The following NFIB variants were observed in gnomAD, a reference collection of about 807,000 sequenced individuals.
The protein encoded by NFIB is nuclear factor 1 B-type.
Under a neutral mutation model 61.5 loss-of-function variants are expected in NFIB, and 11 were observed. That is an observed-to-expected ratio of 0.18 (90% CI 0.11 to 0.30). The LOEUF (loss-of-function observed/expected upper bound fraction) is 0.30, where lower values mean the gene tolerates loss of function less well. Among genes scored for constraint, NFIB ranks in the 10% least tolerant of loss-of-function variants. NFIB has a pLI of 1.00. For missense variants in NFIB, 471 were observed against 608.9 expected (o/e 0.77, Z 2.38); for synonymous variants, 260 against 216.5 (o/e 1.20, Z -1.76).
chr9:14,202,643 A>G (rs1421133067), intron 2 of NFIB, among the ~76,000 whole-genome samples: 1 of 152,210 alleles, frequency 6.6e-6, no homozygotes, highest in Non-Finnish European at 1.5e-5. Context: ...ATGACATAAA[A>G]ATATCGGTTC....
intron 1 of NFIB, among the ~76,000 whole-genome samples, chr9:14,352,108 A>C (rs1474345135): frequency 1.3e-5 from 2 of 152,212 alleles, no homozygotes; most frequent in Non-Finnish European, 2.9e-5. Context: ...CAGCAACGCT[A>C]AAGAGCATCA....
intron 10 of NFIB, among the ~76,000 whole-genome samples, chr9:14,091,294 TAAC>T (rs1047835774): frequency 4.6e-5 from 7 of 151,976 alleles, no homozygotes; most frequent in East Asian, 1.9e-4. Context: ...ATGACTGAGA[TAAC>T]AATGTAAATA....
intron 2 of NFIB, among the ~76,000 whole-genome samples, chr9:14,247,371 C>G (rs2055052757): frequency 6.6e-6 from 1 of 152,220 alleles, no homozygotes; most frequent in Admixed American, 6.5e-5. Flanking sequence ...CTTCCATGCG[C>G]CATCCAATAA....
chr9:14,487,285 T>C, the NFIB span, among the ~76,000 whole-genome samples: 1 of 152,202 alleles, frequency 6.6e-6, no homozygotes, highest in Non-Finnish European at 1.5e-5. Context: ...TTGCTGCCTT[T>C]CACTCAAAAT....
At chr9:14,493,647 C>T in the NFIB span, among the ~76,000 whole-genome samples, 1 of 152,166 alleles carries the variant, frequency 6.6e-6, no homozygotes, top group Admixed American at 6.5e-5. Context: ...GTGTAGGTGT[C>T]CATAACTGTT....
the NFIB span, among the ~76,000 whole-genome samples, chr9:14,473,937 GC>G: frequency 6.6e-6 from 1 of 152,136 alleles, no homozygotes; most frequent in African/African-American, 2.4e-5. Context: ...TGTGGCACAG[GC>G]TTCAGTTCAC....
the NFIB span, among the ~76,000 whole-genome samples, chr9:14,521,901 G>C: frequency 2.0e-5 from 3 of 152,172 alleles, no homozygotes; most frequent in Non-Finnish European, 4.4e-5. Flanking sequence ...GGAGTTTAGA[G>C]AATATTCATC....
At chr9:14,274,989 T>G (rs1032941036) in intron 2 of NFIB, among the ~76,000 whole-genome samples, 2 of 152,206 alleles carry the variant, frequency 1.3e-5, no homozygotes, top group African/African-American at 4.8e-5. Flanking sequence ...AGGTTTTGTT[T>G]TGAAGTTAAT....
the NFIB span, among the ~76,000 whole-genome samples, chr9:14,466,128 G>C: frequency 1.3e-5 from 2 of 152,124 alleles, no homozygotes; most frequent in Non-Finnish European, 2.9e-5. Context: ...ACGGGTGTTC[G>C]GAGAGAGCCC....
At chr9:14,431,840 G>C in the NFIB span, among the ~76,000 whole-genome samples, 1 of 152,142 alleles carries the variant, frequency 6.6e-6, no homozygotes, top group Non-Finnish European at 1.5e-5. Context: ...TCCCTATGCA[G>C]AAAGTTGAGT....
At position 14,087,571 on chromosome 9, in the gene NFIB, CT is replaced by C. The variant is rs939129819; in HGVS notation, c.*737del. On this transcript the variant is annotated 3_prime_UTR_variant, in exon 11 of 11. Transcript: ENST00000380953. ...GTTCAAACTGTTTTTTTCCTTTTTT[CT>C]TTTTTTCCTTTTTTTTTCATTTTTT... 1.8e-3 allele frequency: 409 copies of C among 225,542 alleles called. 2 individuals carry two copies. The highest frequency in any genetic ancestry group is 2.8e-3 in the Non-Finnish European group (322 of 113,424). The allele number at this position is 225,542 out of a possible 1,614,324, so 14.0% of individuals were successfully genotyped here. A position where few individuals can be genotyped will look rare whatever the true frequency, so the allele number is the denominator to read the frequency against.
the NFIB span, among the ~76,000 whole-genome samples, chr9:14,463,739 C>T: frequency 6.8e-6 from 1 of 146,266 alleles, no homozygotes; most frequent in Non-Finnish European, 1.5e-5. Flanking sequence ...CGGCTCACCG[C>T]AAGCTCCGCC....
chr9:14,351,842 G>A (rs2061116540), intron 1 of NFIB, among the ~76,000 whole-genome samples: 1 of 152,192 alleles, frequency 6.6e-6, no homozygotes, highest in Non-Finnish European at 1.5e-5. Context: ...AGAAACTGAG[G>A]CACAGATTCC....
chr9:14,115,756 G>A (rs2038035689), intron 9 of NFIB, among the ~76,000 whole-genome samples: 1 of 152,182 alleles, frequency 6.6e-6, no homozygotes, highest in African/African-American at 2.4e-5. Context: ...ATGTAAACAT[G>A]CAATTACCTT....
chr9:14,289,840 G>C (rs1489557887), intron 2 of NFIB, among the ~76,000 whole-genome samples: 1 of 151,782 alleles, frequency 6.6e-6, no homozygotes, highest in African/African-American at 2.4e-5. Context: ...TTATTTGTGG[G>C]ACTAAAAGTC....
intron 3 of NFIB, among the ~76,000 whole-genome samples, chr9:14,177,566 T>A (rs920182732): frequency 6.6e-6 from 1 of 152,136 alleles, no homozygotes; most frequent in East Asian, 1.9e-4. Context: ...ACATTCTGGA[T>A]AATTAAATAA....
intron 1 of NFIB, among the ~76,000 whole-genome samples, chr9:14,391,310 G>C (rs1395791866): frequency 6.6e-6 from 1 of 151,538 alleles, no homozygotes; most frequent in Non-Finnish European, 1.5e-5. Flanking sequence ...TAGTTAGGCA[G>C]ACAAGACCAG....
At chr9:14,142,864 C>A (rs904479690) in intron 6 of NFIB, among the ~76,000 whole-genome samples, 3 of 152,012 alleles carry the variant, frequency 2.0e-5, no homozygotes, top group African/African-American at 7.2e-5. Flanking sequence ...AGAGACTAAG[C>A]AAGGAGAAAT....
the NFIB span, among the ~76,000 whole-genome samples, chr9:14,486,370 G>A: frequency 6.6e-6 from 1 of 152,182 alleles, no homozygotes; most frequent in Non-Finnish European, 1.5e-5. Context: ...GGAGGCAGGA[G>A]AAAGCCCAGG....
Sources: gnomAD v4.1 joint callset for allele counts (sites outside exome capture counted in the v4.1 genomes callset) on GRCh38, gnomAD v4.1.1 for gene constraint, MANE v1.5 for transcripts, NCBI Gene and HGNC (gene_info 2026-07-23, HGNC 2026-07-21) for gene names.